Variants in SYN3 observed in about 807,000 individuals in gnomAD.
SYN3 encodes the protein synapsin-3.
SYN3 carries 35 observed loss-of-function variants against 65.8 expected under a neutral mutation model. That is an observed-to-expected ratio of 0.53 (90% CI 0.41 to 0.70). SYN3 has a LOEUF of 0.70. Among genes scored for constraint, SYN3 ranks in the 30% least tolerant of loss-of-function variants. The pLI, the probability that SYN3 is intolerant of heterozygous loss-of-function variation, is 0.00. For missense variants in SYN3, 680 were observed against 749.0 expected, an observed-to-expected ratio of 0.91 and a Z score of 1.08; for synonymous variants, 270 against 292.9, an observed-to-expected ratio of 0.92 and a Z score of 0.80.
intron 6 of SYN3, among the ~76,000 whole-genome samples, chr22:32,599,416 G>C (rs535173499): frequency 6.6e-6 from 1 of 151,952 alleles, no homozygotes; most frequent in South Asian, 2.1e-4. Context: ...CCGCCTCCCG[G>C]GTTCACACCA....
intron 4 of SYN3, among the ~76,000 whole-genome samples, chr22:32,928,820 A>G (rs2050548470): frequency 6.6e-6 from 1 of 152,154 alleles, no homozygotes; most frequent in Non-Finnish European, 1.5e-5. Context: ...AGAATCTAAC[A>G]GTCTTTCCTG....
At chr22:32,628,448 G>T (rs1179108506) in intron 6 of SYN3, among the ~76,000 whole-genome samples, 1 of 152,162 alleles carries the variant, frequency 6.6e-6, no homozygotes, top group Non-Finnish European at 1.5e-5. Context: ...ACCTGCTCCT[G>T]CCTGGGGATT....
chr22:32,938,054 G>T (rs993199359), intron 3 of SYN3, among the ~76,000 whole-genome samples: 1 of 152,042 alleles, frequency 6.6e-6, no homozygotes, highest in Non-Finnish European at 1.5e-5. Context: ...AAAATAAACA[G>T]CAGGACATAG....
At chr22:32,547,145 T>A (rs2058347858) in intron 7 of SYN3, among the ~76,000 whole-genome samples, 1 of 151,978 alleles carries the variant, frequency 6.6e-6, no homozygotes, top group Non-Finnish European at 1.5e-5. Context: ...GCCTGGCTGT[T>A]TTTTCTTTGT....
At chr22:32,803,222 A>T (rs2046638907) in intron 6 of SYN3, among the ~76,000 whole-genome samples, 1 of 151,928 alleles carries the variant, frequency 6.6e-6, no homozygotes, top group African/African-American at 2.4e-5. Flanking sequence ...GCCTGTGTCG[A>T]TTCAGAGGTG....
chr22:32,923,089 T>A (rs1030433189), intron 4 of SYN3, among the ~76,000 whole-genome samples: 1 of 152,010 alleles, frequency 6.6e-6, no homozygotes, highest in African/African-American at 2.4e-5. Context: ...GCTCATAGTG[T>A]GATTTGGTCT....
Position 33,006,504 on chromosome 22 carries a change from G to A in SYN3, c.159C>T (p.Ser53=). 6.2e-7 allele frequency: 1 copy of A among 1,614,226 alleles called. No homozygotes were observed. The highest frequency in any genetic ancestry group is 8.5e-7 in the Non-Finnish European group (1 of 1,180,046). ...AGCTAAAAAGGCTGGATCCTGGAGA[G>A]GAGAAGGAGGCAGCCAGGGGCTGGG... ...RHPQPLAASF[S]SPGSSLFSSL... is the part of the protein sequence containing the mutation. Residue 53 remains serine (S), a synonymous_variant, in exon 2 of 14, where the codon TCC becomes TCT. Transcript: ENST00000358763.
At chr22:32,746,293 C>G (rs112887181) in intron 6 of SYN3, among the ~76,000 whole-genome samples, 3,069 of 152,252 alleles carry the variant, frequency 0.02, 108 homozygotes, top group African/African-American at 0.07. Flanking sequence ...CTTTCCCAGA[C>G]AGTTGGTCTG....
chr22:32,782,198 A>T (rs1228455912), intron 6 of SYN3, among the ~76,000 whole-genome samples: 1 of 151,814 alleles, frequency 6.6e-6, no homozygotes, highest in Non-Finnish European at 1.5e-5. Context: ...CCTCCCAAGT[A>T]GCTGGGATTA....
intron 3 of SYN3, among the ~76,000 whole-genome samples, chr22:32,968,704 T>C (rs915425356): frequency 6.6e-6 from 1 of 152,164 alleles, no homozygotes; most frequent in Non-Finnish European, 1.5e-5. Flanking sequence ...ACCTAATTCT[T>C]GTCCCCAAAC....
At chr22:32,555,254 A>G (rs1342522757) in intron 7 of SYN3, among the ~76,000 whole-genome samples, 2 of 152,210 alleles carry the variant, frequency 1.3e-5, no homozygotes, top group African/African-American at 4.8e-5. Context: ...ACGAAAGCTG[A>G]AGGCTAATAG....
intron 6 of SYN3, among the ~76,000 whole-genome samples, chr22:32,732,763 T>C (rs2147347324): frequency 6.6e-6 from 1 of 152,378 alleles, no homozygotes; most frequent in Admixed American, 6.5e-5. Flanking sequence ...CATGTTCATT[T>C]ACTTCACCAG....
chr22:32,534,944 A>T (rs114234590), intron 9 of SYN3, among the ~76,000 whole-genome samples: 4,041 of 152,278 alleles, frequency 0.027, 190 homozygotes, highest in African/African-American at 0.093. Flanking sequence ...ATTCAGCTGT[A>T]GCACGGAGCA....
intron 7 of SYN3, among the ~76,000 whole-genome samples, chr22:32,584,403 C>T (rs1326439423): frequency 2.6e-5 from 4 of 152,072 alleles, no homozygotes; most frequent in African/African-American, 9.7e-5. Flanking sequence ...TATAATGTTC[C>T]CCACCCCACC....
intron 1 of SYN3, among the ~76,000 whole-genome samples, chr22:33,036,767 C>T (rs1251672250): frequency 6.6e-6 from 1 of 150,882 alleles, no homozygotes; most frequent in African/African-American, 2.5e-5. Flanking sequence ...TCTCGGCCCA[C>T]CACAACCTCC....
intron 4 of SYN3, among the ~76,000 whole-genome samples, chr22:32,891,549 A>G (rs2049446432): frequency 6.6e-6 from 1 of 152,130 alleles, no homozygotes; most frequent in African/African-American, 2.4e-5. Context: ...TTCTTTGCAA[A>G]TGATAATAGT....
In SYN3 at chr22:32,509,783, T is replaced by G. The variant is rs1356774067; in HGVS notation, c.*3909A>C. Among the ~76,000 whole-genome samples, 2 of 152,060 alleles carry G rather than the reference T, an allele frequency of 1.3e-5. No homozygotes were observed. The highest frequency in any genetic ancestry group is 4.8e-5 in the African/African-American group (2 of 41,398). ...TGGGGTTTCACCGTGTTAGCCAGGA[T>G]GGTCTCGATCTCCTGACCTAGTCAT... is the stretch of plus-strand genomic sequence containing the variant. On this transcript the variant is annotated 3_prime_UTR_variant, in exon 14 of 14. Coordinates refer to ENST00000358763, the MANE Select transcript of SYN3 (RefSeq NM_003490.4).
chr22:32,674,569 G>A (rs2060414957), intron 6 of SYN3, among the ~76,000 whole-genome samples: 1 of 152,164 alleles, frequency 6.6e-6, no homozygotes, highest in Non-Finnish European at 1.5e-5. Flanking sequence ...GGATTGGGAG[G>A]ATTTACCATT....
At chr22:32,703,759 C>A (rs1373986124) in intron 6 of SYN3, among the ~76,000 whole-genome samples, 1 of 152,016 alleles carries the variant, frequency 6.6e-6, no homozygotes, top group South Asian at 2.1e-4. Flanking sequence ...TCCTTAAATG[C>A]ATCCCACCCA....
Sources: gnomAD v4.1 joint callset for allele counts (sites outside exome capture counted in the v4.1 genomes callset) on GRCh38, gnomAD v4.1.1 for gene constraint, MANE v1.5 for transcripts, NCBI Gene and HGNC (gene_info 2026-07-23, HGNC 2026-07-21) for gene names.